The following SLC24A3 variants were observed in gnomAD, a reference collection of about 807,000 sequenced individuals.
SLC24A3 encodes the protein solute carrier family 24 member 3.
A neutral mutation model predicts 75.8 loss-of-function variants in SLC24A3; 28 were observed. The observed-to-expected ratio is 0.37, with a 90% confidence interval of 0.27 to 0.51. The LOEUF (loss-of-function observed/expected upper bound fraction) is 0.51. SLC24A3 is among the 20% of genes least tolerant of loss of function. SLC24A3 has a pLI of 0.94. For missense variants in SLC24A3, 663 were observed against 847.8 expected (o/e 0.78, Z 2.71); for synonymous variants, 372 against 334.1 (o/e 1.11, Z -1.24).
At chr20:19,707,335 G>A (rs1600350899) in intron 15 of SLC24A3, among the ~76,000 whole-genome samples, 2 of 152,300 alleles carry the variant, frequency 1.3e-5, no homozygotes, top group South Asian at 2.1e-4. Flanking sequence ...CGGTAAAACT[G>A]GAGATCAGTG....
chr20:19,325,732 A>ATGTG (rs552339138), intron 2 of SLC24A3, among the ~76,000 whole-genome samples: 2 of 75,930 alleles, frequency 2.6e-5, no homozygotes, highest in South Asian at 4.4e-4. Flanking sequence ...ATATATATAT[A>ATGTG]TGTGTGTGTG....
At chr20:19,474,272 C>A (rs987168255) in intron 2 of SLC24A3, among the ~76,000 whole-genome samples, 11 of 152,214 alleles carry the variant, frequency 7.2e-5, no homozygotes, top group Admixed American at 6.5e-4. Flanking sequence ...CCCTGTGTCC[C>A]CCGGGGCTCC....
In SLC24A3 at chr20:19,275,104, G is replaced by A. The variant is rs970090571; in HGVS notation, c.143-5855G>A. ...CAGCCAGATGGTTCTCTGCATCCCA[G>A]TTTTCAAAAAGAAAAGCAGTATTCC... On this transcript the variant is annotated intron_variant, in intron 1 of 16. Coordinates refer to ENST00000328041, the MANE Select transcript of SLC24A3 (RefSeq NM_020689.4). Among the ~76,000 whole-genome samples, 4 of 152,204 alleles carry A rather than the reference G, an allele frequency of 2.6e-5. No individual in the cohort carries two copies. The East Asian group carries it at 7.7e-4, about 29-fold the overall frequency.
intron 7 of SLC24A3, among the ~76,000 whole-genome samples, chr20:19,656,625 T>G (rs1433778113): frequency 6.6e-6 from 1 of 152,186 alleles, no homozygotes; most frequent in African/African-American, 2.4e-5. Context: ...AAAAAAATTT[T>G]TTTTCAAAAG....
chr20:19,258,701 C>G (rs1982893800), intron 1 of SLC24A3, among the ~76,000 whole-genome samples: 1 of 151,480 alleles, frequency 6.6e-6, no homozygotes, highest in Non-Finnish European at 1.5e-5. Context: ...GACTCTGTCT[C>G]CAAATAAAAG....
At chr20:19,631,696 A>G (rs145908348) in intron 6 of SLC24A3, among the ~76,000 whole-genome samples, 1 of 152,236 alleles carries the variant, frequency 6.6e-6, no homozygotes, top group Non-Finnish European at 1.5e-5. Context: ...TGTGCTTCCT[A>G]CTGAATGCTT....
At chr20:19,491,036 T>A (rs1490031095) in intron 2 of SLC24A3, among the ~76,000 whole-genome samples, 1 of 152,192 alleles carries the variant, frequency 6.6e-6, no homozygotes, top group Non-Finnish European at 1.5e-5. Flanking sequence ...CAACTTTGCC[T>A]TTTCCTCTTT....
intron 2 of SLC24A3, among the ~76,000 whole-genome samples, chr20:19,453,398 T>A (rs995703131): frequency 6.6e-6 from 1 of 152,190 alleles, no homozygotes; most frequent in African/African-American, 2.4e-5. Flanking sequence ...GGATTCTCTA[T>A]AATGGCATGT....
At chr20:19,527,229 T>C (rs1334978023) in intron 3 of SLC24A3, among the ~76,000 whole-genome samples, 3 of 152,208 alleles carry the variant, frequency 2.0e-5, no homozygotes, top group Admixed American at 1.3e-4. Flanking sequence ...TCTTTGTTGC[T>C]GTCCTGTAAC....
At chr20:19,658,218 G>A (rs938707344) in intron 7 of SLC24A3, among the ~76,000 whole-genome samples, 9 of 152,104 alleles carry the variant, frequency 5.9e-5, no homozygotes, top group Non-Finnish European at 1.2e-4. Context: ...GAGGCATGGC[G>A]ACTTCTCCAG....
At chr20:19,551,374 C>T (rs1036612546) in intron 3 of SLC24A3, among the ~76,000 whole-genome samples, 3 of 152,064 alleles carry the variant, frequency 2.0e-5, no homozygotes, top group African/African-American at 4.8e-5. Context: ...ATGGACAAGA[C>T]CCTTGGAGAA....
At chr20:19,423,470 T>G (rs1281658398) in intron 2 of SLC24A3, among the ~76,000 whole-genome samples, 1 of 152,158 alleles carries the variant, frequency 6.6e-6, no homozygotes, top group Non-Finnish European at 1.5e-5. Flanking sequence ...TCCCAAAGAA[T>G]GAGCTAAGCA....
intron 2 of SLC24A3, among the ~76,000 whole-genome samples, chr20:19,488,701 T>C (rs1956902950): frequency 2.0e-5 from 3 of 152,228 alleles, no homozygotes; most frequent in Admixed American, 1.3e-4. Context: ...TTTTTTTTTA[T>C]TTTGAAATAT....
chr20:19,504,536 T>C (rs917949372), intron 2 of SLC24A3, among the ~76,000 whole-genome samples: 19 of 152,228 alleles, frequency 1.2e-4, no homozygotes, highest in Admixed American at 4.6e-4. Flanking sequence ...TCTGAGGGCA[T>C]TGAACAGGAA....
At chr20:19,320,316 A>G (rs1420161055) in intron 2 of SLC24A3, among the ~76,000 whole-genome samples, 1 of 152,190 alleles carries the variant, frequency 6.6e-6, no homozygotes, top group Non-Finnish European at 1.5e-5. Flanking sequence ...ACATGAGGGG[A>G]TGCCTGAGTG....
chr20:19,685,123 G>A lies in SLC24A3; in HGVS notation c.1086G>A (p.Arg362=), dbSNP rs751790569. 8 of 1,612,544 alleles carry A rather than the reference G, an allele frequency of 5.0e-6. No individual in the cohort carries two copies. The Admixed American group carries it at 1.3e-4, about 27-fold the overall frequency. Residue 362 remains arginine (R), a synonymous_variant, in exon 12 of 17, where the codon AGG becomes AGA. Transcript: ENST00000328041. ...AGAGACAAAGATTGATAAACAGCAG[G>A]GCTTATACCAACGGGGAATCTGAGG... ...INERQRLINS[R]AYTNGESEVA... is the part of the protein sequence containing the mutation.
chr20:19,651,755 G>T (rs916523369), intron 6 of SLC24A3, among the ~76,000 whole-genome samples: 11 of 151,706 alleles, frequency 7.3e-5, no homozygotes, highest in Non-Finnish European at 1.5e-5. Context: ...CAACTACTTG[G>T]GAGGCTGAGG....
chr20:19,310,702 A>C (rs1984437205), intron 2 of SLC24A3, among the ~76,000 whole-genome samples: 1 of 152,238 alleles, frequency 6.6e-6, no homozygotes. Context: ...GGCAGCAAGC[A>C]TATAAACAGA....
chr20:19,716,631 G>A (rs2033049565), intron 15 of SLC24A3, among the ~76,000 whole-genome samples: 1 of 151,966 alleles, frequency 6.6e-6, no homozygotes, highest in African/African-American at 2.4e-5. Flanking sequence ...TGCTTGTAAT[G>A]AGCACTTTGG....
Sources: allele counts gnomAD v4.1 joint callset (sites outside exome capture counted in the v4.1 genomes callset), GRCh38; gene constraint gnomAD v4.1.1; transcripts MANE v1.5; gene names NCBI Gene and HGNC (gene_info 2026-07-23, HGNC 2026-07-21).